EPAS1: variants seen among roughly 807,000 people sequenced by gnomAD.
EPAS1 encodes endothelial PAS domain-containing protein 1.
EPAS1 carries 23 observed loss-of-function variants against 87.9 expected under a neutral mutation model. The ratio of observed to expected loss-of-function variants is 0.26; its 90% CI spans 0.19 to 0.37. The LOEUF (loss-of-function observed/expected upper bound fraction) is 0.37, where lower values mean the gene tolerates loss of function less well. EPAS1 is among the 10% of genes least tolerant of loss of function. The probability of loss-of-function intolerance (pLI) is 1.00; values close to 1 mark genes in which losing one functional copy is unlikely to be tolerated. For missense variants in EPAS1, 1,138 were observed against 1,120.7 expected, an observed-to-expected ratio of 1.02 and a Z score of -0.22; for synonymous variants, 508 against 444.3, an observed-to-expected ratio of 1.14 and a Z score of -1.80.
Position 46,380,503 on chromosome 2 carries a change from G to A in EPAS1, c.1831G>A (p.Ala611Thr). The A allele has an allele frequency of 6.2e-7, 1 of 1,614,180 alleles. No homozygotes were observed. The highest frequency in any genetic ancestry group is 8.5e-7 in the Non-Finnish European group (1 of 1,180,036). The change falls in exon 12 of 16, where the codon GCC becomes ACC. Residue 611 changes from alanine (A) to threonine (T), a missense_variant. Physicochemically the swap from Ala to Thr is moderately conservative, Grantham distance 58. Coordinates refer to ENST00000263734, the MANE Select transcript of EPAS1 (RefSeq NM_001430.5). This position sits in a 1 kb window ranked among gnomAD's most constrained non-coding sequence, Gnocchi z 4.4. Reference protein sequence around the residue: ...HRPMSSIFFDAGSKASLPPCC... With the variant: ...HRPMSSIFFDTGSKASLPPCC... ...GCCCATGTCCTCCATCTTCTTTGAT[G>A]CCGGAAGCAAAGCATCCCTGCCACC... is the stretch of plus-strand genomic sequence containing the variant.
intron 9 of EPAS1, 120 bp downstream of exon 9, chr2:46,376,873 A>G: frequency 1.9e-6 from 2 of 1,029,218 alleles, no homozygotes; most frequent in Admixed American, 2.0e-5. Context: ...CAGCCCCCCA[A>G]GTCTTGTTAA....
chr2:46,355,928 T>G (rs563227999), intron 2 of EPAS1, among the ~76,000 whole-genome samples: 1 of 152,342 alleles, frequency 6.6e-6, no homozygotes, highest in East Asian at 1.9e-4. Flanking sequence ...GAAGTACTGT[T>G]GTCACAACAA....
Position 46,360,454 on chromosome 2 carries a change from T to G in EPAS1, c.455-184T>G, listed in dbSNP as rs1295202095. On this transcript the variant is annotated intron_variant, in intron 4 of 15. Transcript: ENST00000263734. This position sits in a 1 kb window ranked among gnomAD's most constrained non-coding sequence, Gnocchi z 4.5. Reference sequence around the variant, plus strand: ...CCAGTTGAGGAGATAAGCTTGAGAGTGGGAACCATTAGTTCACAGGCCATG... The same window carrying G: ...CCAGTTGAGGAGATAAGCTTGAGAGGGGGAACCATTAGTTCACAGGCCATG... Among the ~76,000 whole-genome samples the G allele has an allele frequency of 6.6e-6, 1 of 152,130 alleles. No homozygotes were observed. The highest frequency in any genetic ancestry group is 1.5e-5 in the Non-Finnish European group (1 of 68,010).
chr2:46,339,327 G>T (rs1191576132), intron 1 of EPAS1, among the ~76,000 whole-genome samples: 1 of 152,194 alleles, frequency 6.6e-6, no homozygotes, highest in Admixed American at 6.5e-5. Flanking sequence ...TATGTGTTGG[G>T]AAAAGCTAGG....
At chr2:46,381,905 C>G (rs577325144) in intron 13 of EPAS1, 70 bp from the exon 14 acceptor site, 1 of 1,409,256 alleles carries the variant, frequency 7.1e-7, no homozygotes, top group South Asian at 1.2e-5. Context: ...CCAGGCCCAC[C>G]CAACCCACCC....
At chr2:46,382,745 G>A in intron 15 of EPAS1, 147 bp downstream of exon 15, 1 of 1,098,038 alleles carries the variant, frequency 9.1e-7, no homozygotes, top group Non-Finnish European at 1.3e-6. Context: ...GGTCTCCTTG[G>A]ATTTAGGGAA....
intron 1 of EPAS1, among the ~76,000 whole-genome samples, chr2:46,304,520 C>G (rs1572611726): frequency 6.6e-6 from 1 of 152,172 alleles, no homozygotes; most frequent in East Asian, 1.9e-4. Context: ...AATTACTTTT[C>G]TTTTTTGTGA....
At chr2:46,335,030 TCTCTC>T (rs1364605584) in intron 1 of EPAS1, among the ~76,000 whole-genome samples, 19 of 152,130 alleles carry the variant, frequency 1.2e-4, no homozygotes, top group African/African-American at 4.6e-4. Context: ...CTCTACCAGC[TCTCTC>T]CTCTTTCACT....
intron 2 of EPAS1, among the ~76,000 whole-genome samples, chr2:46,352,324 A>C (rs926398460): frequency 6.6e-6 from 1 of 152,240 alleles, no homozygotes; most frequent in Non-Finnish European, 1.5e-5. Context: ...TTCCGAGGGA[A>C]GGAACTGCCC....
chr2:46,337,559 G>A (rs114223680), intron 1 of EPAS1, among the ~76,000 whole-genome samples: 7 of 152,260 alleles, frequency 4.6e-5, no homozygotes, highest in East Asian at 1.9e-4. Context: ...TTCAACCGCC[G>A]TGCAATTTCT....
chr2:46,310,875 C>T (rs1035299561), intron 1 of EPAS1, among the ~76,000 whole-genome samples: 2 of 150,998 alleles, frequency 1.3e-5, no homozygotes, highest in African/African-American at 2.5e-5. Flanking sequence ...ATGACAACTG[C>T]GTGTTTGGCC....
intron 15 of EPAS1, among the ~76,000 whole-genome samples, chr2:46,383,119 T>C (rs1360164112): frequency 6.6e-6 from 1 of 152,214 alleles, no homozygotes; most frequent in Non-Finnish European, 1.5e-5. Context: ...TCCCTGGGGC[T>C]TTAGGGAGAA....
At chr2:46,308,966 G>T (rs1007322805) in intron 1 of EPAS1, among the ~76,000 whole-genome samples, 1 of 152,182 alleles carries the variant, frequency 6.6e-6, no homozygotes, top group Non-Finnish European at 1.5e-5. Context: ...AAGGTTGGGG[G>T]TGGCGTATGT....
At chr2:46,361,662 T>A (rs1335482551) in intron 6 of EPAS1, among the ~76,000 whole-genome samples, 2 of 152,182 alleles carry the variant, frequency 1.3e-5, no homozygotes, top group Non-Finnish European at 2.9e-5. Context: ...CAGTAGTGAT[T>A]AAGAGCATGG....
At chr2:46,357,837 A>G (rs903578921) in intron 4 of EPAS1, among the ~76,000 whole-genome samples, 4 of 152,360 alleles carry the variant, frequency 2.6e-5, no homozygotes, top group African/African-American at 9.6e-5. Context: ...GCACGTTGCA[A>G]TGGTTGCAAT....
intron 1 of EPAS1, among the ~76,000 whole-genome samples, chr2:46,310,825 A>G (rs994744131): frequency 3.3e-5 from 5 of 152,232 alleles, no homozygotes; most frequent in African/African-American, 1.2e-4. Context: ...GGGAGGCTAT[A>G]TAACTCCTGA....
Position 46,378,713 on chromosome 2 carries a change from G to C in EPAS1, c.1500G>C (p.Val500=), listed in dbSNP as rs777493380. The change falls in exon 11 of 16, where the codon GTG becomes GTC. Residue 500 remains valine, a synonymous_variant. Transcript: ENST00000263734. ...TGGATAACGACCTGAAGATTGAAGT[G>C]ATTGAGAAGCTCTTCGCCATGGACA... ...TSLDNDLKIE[V]IEKLFAMDTE... is the part of the protein sequence containing the mutation. 1 of 1,614,214 alleles carries C rather than the reference G, an allele frequency of 6.2e-7. No individual in the cohort carries two copies. The highest frequency in any genetic ancestry group is 8.5e-7 in the Non-Finnish European group (1 of 1,180,020).
chr2:46,304,994 C>A (rs1683080671), intron 1 of EPAS1, among the ~76,000 whole-genome samples: 1 of 152,200 alleles, frequency 6.6e-6, no homozygotes, highest in African/African-American at 2.4e-5. Context: ...CTAGAGGGTA[C>A]CTTGAGTTTT....
At position 46,378,003 on chromosome 2, in the gene EPAS1, C is replaced by T. The variant is rs1378483163; in HGVS notation, c.1359C>T (p.Ser453=). 6.3e-7 allele frequency: 1 copy of T among 1,593,658 alleles called. No homozygotes were observed. The highest frequency in any genetic ancestry group is 8.5e-7 in the Non-Finnish European group (1 of 1,170,354). Residue 453 remains serine (S), a synonymous_variant, in exon 10 of 16, where the codon AGC becomes AGT. Transcript: ENST00000263734. The part of the protein sequence containing the change: ...RSHSTQSEAG[S]LPAFTVPQAA... Reference sequence around the variant, plus strand: ...ACAGCACCCAGAGCGAGGCTGGGAGCCTGCCTGCCTTCACCGTGCCCCAGG... The same window carrying T: ...ACAGCACCCAGAGCGAGGCTGGGAGTCTGCCTGCCTTCACCGTGCCCCAGG...
Sources: gnomAD v4.1 joint callset for allele counts (sites outside exome capture counted in the v4.1 genomes callset) on GRCh38, gnomAD v4.1.1 for gene constraint, Gnocchi (gnomAD v3.1) non-coding constraint, MANE v1.5 for transcripts, NCBI Gene and HGNC (gene_info 2026-07-23, HGNC 2026-07-21) for gene names.